The following NOTCH4 variants were observed in gnomAD, a reference collection of about 807,000 sequenced individuals.
NOTCH4 encodes the protein notch receptor 4.
A neutral mutation model predicts 189.0 loss-of-function variants in NOTCH4; 138 were observed. The observed-to-expected ratio is 0.73, with a 90% confidence interval of 0.64 to 0.84. The LOEUF (loss-of-function observed/expected upper bound fraction) is 0.84. NOTCH4 is among the 40% of genes least tolerant of loss of function. NOTCH4 has a pLI of 0.00. For missense variants in NOTCH4, 2,286 were observed against 2,605.4 expected, an observed-to-expected ratio of 0.88 and a Z score of 2.67; for synonymous variants, 942 against 1,032.8, an observed-to-expected ratio of 0.91 and a Z score of 1.69.
In NOTCH4 at chr6:32,202,433, C is replaced by T. The variant is rs1048598527; in HGVS notation, c.3398G>A (p.Gly1133Asp). The change falls in exon 21 of 30, where the codon GGC (glycine) becomes GAC (aspartate). Residue 1133 changes from glycine to aspartate, a missense_variant. Physicochemically the swap from Gly to Asp is moderately conservative, Grantham distance 94 (BLOSUM62 -1). Transcript: ENST00000375023. The surrounding 1 kb of genome is among the most constrained non-coding windows in gnomAD (Gnocchi z 5.7). ...PDCLTPPAPKGCGPPSPCLYN... is the reference protein window; with the variant it reads ...PDCLTPPAPKDCGPPSPCLYN... ...TAGGCATGGGGAGGGAGGGCCACAGCCTTTAGGAGCTGGTGGGGTCAGGCA... is the reference window on the plus strand; with the variant it reads ...TAGGCATGGGGAGGGAGGGCCACAGTCTTTAGGAGCTGGTGGGGTCAGGCA... The T allele has an allele frequency of 1.2e-6, 2 of 1,612,048 alleles. No homozygotes were observed. Among genetic ancestry groups the T allele is most frequent in the African/African-American group, 2.7e-5 (2 of 74,914 alleles).
chr6:32,206,036 C>CA (rs148768186), intron 18 of NOTCH4, among the ~76,000 whole-genome samples: 3,373 of 136,330 alleles, frequency 0.025, 52 homozygotes, highest in Middle Eastern at 0.088. Context: ...GACTCTGTCT[C>CA]AAAAAAAAAA....
intron 12 of NOTCH4, among the ~76,000 whole-genome samples, 154 bp downstream of exon 12, chr6:32,215,072 C>T (rs965255834): frequency 3.3e-5 from 5 of 152,206 alleles, no homozygotes; most frequent in African/African-American, 1.2e-4. Context: ...ACCAGTTGAG[C>T]CCTCCCACTG....
chr6:32,201,516 A>T lies in NOTCH4; in HGVS notation c.3756-16T>A, dbSNP rs1788352964. 6.8e-7 allele frequency: 1 copy of T among 1,460,126 alleles called. No individual in the cohort carries two copies. The highest frequency in any genetic ancestry group is 9.0e-7 in the Non-Finnish European group (1 of 1,105,828). 90.4% of individuals were successfully genotyped at this position (1,460,126 alleles called of 1,614,324 possible). On this transcript the variant is annotated splice_polypyrimidine_tract_variant and intron_variant, in intron 21 of 29. Coordinates refer to ENST00000375023, the MANE Select transcript of NOTCH4 (RefSeq NM_004557.4). The surrounding 1 kb of genome is among the most constrained non-coding windows in gnomAD (Gnocchi z 5.5). ...ATAGGCTGGACTGTGGGGTAAGGAG[A>T]GGGGGACTCAGGACCTCCCTAAAAC... is the stretch of plus-strand genomic sequence containing the variant.
At chr6:32,215,690 A>C (rs1180376365) in intron 11 of NOTCH4, among the ~76,000 whole-genome samples, 1 of 152,190 alleles carries the variant, frequency 6.6e-6, no homozygotes, top group African/African-American at 2.4e-5. Context: ...CTTTTCTTCC[A>C]TCTGTGTCTT....
rs1460859665 is a variant in NOTCH4 at position 32,200,990 on chromosome 6, C to T, written c.4156G>A (p.Gly1386Ser). 1 of 1,574,328 alleles carries T rather than the reference C, an allele frequency of 6.4e-7. No homozygotes were observed. ...SLSAGFVVVMGVDLSRCGPDH... is the reference protein window; with the variant it reads ...SLSAGFVVVMSVDLSRCGPDH... Reference sequence around the variant, plus strand: ...GGGCCACAGCGGGACAAATCCACACCCATGACCACCACAAACCTGTAGAGG... The same window carrying T: ...GGGCCACAGCGGGACAAATCCACACTCATGACCACCACAAACCTGTAGAGG... The change falls in exon 23 of 30, where the codon GGT (glycine) becomes AGT (serine). Residue 1386 changes from glycine to serine, a missense_variant. By Grantham distance (56) the Gly-to-Ser change is moderately conservative. Around this residue, in one of 2 missense-constraint regions of NOTCH4, gnomAD observed 1,903 missense variants for 2,261.9 expected, o/e 0.84. Coordinates refer to ENST00000375023, the MANE Select transcript of NOTCH4 (RefSeq NM_004557.4). This position sits in a 1 kb window ranked among gnomAD's most constrained non-coding sequence, Gnocchi z 5.0.
At position 32,196,940 on chromosome 6, in the gene NOTCH4, C is replaced by T. The variant is rs1787978140; in HGVS notation, c.5185G>A (p.Ala1729Thr). 1.2e-6 allele frequency: 2 copies of T among 1,612,812 alleles called. No individual in the cohort carries two copies. Among genetic ancestry groups the T allele is most frequent in the Non-Finnish European group, 8.5e-7 (1 of 1,180,016 alleles). ...CTCTACATACCCCATTTATCTCTGG[C>T]CCCCACGTCTGCTTGGGCTGCAATC... The part of the protein sequence containing the change: ...ELIAAQADVG[A>T]RDKWGKTALH... Residue 1729 changes from alanine to threonine, a missense_variant, in exon 28 of 30, where the codon GCC (alanine) becomes ACC (threonine). This residue lies in a region of NOTCH4 where 1,903 missense variants were observed against 2,261.9 expected (regional missense o/e 0.84). Coordinates refer to ENST00000375023, the MANE Select transcript of NOTCH4 (RefSeq NM_004557.4).
rs761986491 is a variant in NOTCH4 at position 32,202,557 on chromosome 6, C to T, written c.3274G>A (p.Gly1092Ser). ...PTCSHRAPSC[G>S]FHHCHHGGLC... ...CCTCCGTGGTGGCAGTGATGGAAGC[C>T]GCAGGAAGGGGCCCTGTGGCTGCAG... is the stretch of plus-strand genomic sequence containing the variant. The change falls in exon 21 of 30, where the codon GGC becomes AGC. Residue 1092 changes from glycine to serine, a missense_variant. Coordinates refer to ENST00000375023, the MANE Select transcript of NOTCH4 (RefSeq NM_004557.4). The surrounding 1 kb of genome is among the most constrained non-coding windows in gnomAD (Gnocchi z 5.7). 33 of 1,603,796 alleles carry T rather than the reference C, an allele frequency of 2.1e-5. No homozygotes were observed. The highest frequency in any genetic ancestry group is 2.0e-4 in the Admixed American group (12 of 59,812).
chr6:32,214,226 G>A lies in NOTCH4; in HGVS notation c.2051C>T (p.Thr684Met), dbSNP rs780829867. 9.1e-5 allele frequency: 147 copies of A among 1,613,206 alleles called. No individual in the cohort carries two copies. The highest frequency in any genetic ancestry group is 8.0e-5 in the African/African-American group (6 of 74,832). ...RSSCVCDVGW[T>M]GPECEAELGG... ...TAGCTCTGCCTCACACTCTGGCCCC[G>A]TCCAACCCACGTCACACACACATGA... is the stretch of plus-strand genomic sequence containing the variant. Residue 684 changes from threonine (T) to methionine (M), a missense_variant, in exon 13 of 30, where the codon ACG becomes ATG. Physicochemically the swap from Thr to Met is moderately conservative, Grantham distance 81. Coordinates refer to ENST00000375023, the MANE Select transcript of NOTCH4 (RefSeq NM_004557.4).
At chr6:32,205,022 GCT>G (rs1334663821) in intron 18 of NOTCH4, among the ~76,000 whole-genome samples, 3 of 152,184 alleles carry the variant, frequency 2.0e-5, no homozygotes, top group Non-Finnish European at 2.9e-5. Context: ...CCAAACCAAT[GCT>G]CTTAACCATT....
At position 32,221,021 on chromosome 6, in the gene NOTCH4, C is replaced by T. The variant is rs1789736694; in HGVS notation, c.756G>A (p.Met252Ile). Residue 252 changes from methionine (M) to isoleucine (I), a missense_variant, in exon 4 of 30, where the codon ATG becomes ATA. By Grantham distance (10) the Met-to-Ile change is conservative. Transcript: ENST00000375023. This position sits in a 1 kb window ranked among gnomAD's most constrained non-coding sequence, Gnocchi z 4.3. ...GGTGAAAGGTGGAGTCTTTCTCTGG[C>T]ATCAGCTGGCAGGTGCCCCCATTCG... Reference protein sequence around the residue: ...GCSNGGTCQLMPEKDSTFHLC... With the variant: ...GCSNGGTCQLIPEKDSTFHLC... The T allele has an allele frequency of 6.2e-7, 1 of 1,607,938 alleles. No individual in the cohort carries two copies. Among genetic ancestry groups the T allele is most frequent in the African/African-American group, 1.3e-5 (1 of 74,562 alleles).
chr6:32,200,931 AG>A lies in NOTCH4; in HGVS notation c.4214del (p.Pro1405LeufsTer53). ...DHPASRCPWD[P>X]GLLLRFLAAM... ...CAGCAAGGAAGCGGAGTAGAAGCCC[AG>A]GGTCCCAGGGACAGCGGGATGCCGG... On this transcript the variant is annotated frameshift_variant, in exon 23 of 30. Transcript: ENST00000375023. LOFTEE classifies it high-confidence loss of function. This position sits in a 1 kb window ranked among gnomAD's most constrained non-coding sequence, Gnocchi z 5.0. 1.2e-6 allele frequency: 2 copies of A among 1,607,594 alleles called. No homozygotes were observed. Among genetic ancestry groups the A allele is most frequent in the African/African-American group, 2.7e-5 (2 of 74,870 alleles).
rs1277655724 is a variant in NOTCH4 at position 32,204,381 on chromosome 6, T to A, written c.2874A>T (p.Pro958=). Residue 958 remains proline, a synonymous_variant, in exon 19 of 30, where the codon CCA becomes CCT. Transcript: ENST00000375023. ...TTGAGCAGTTCTGTCCATCGTAGCC[T>A]GGGGCACACTGCAGACAAAGAGGAT... ...QPSGYLCQCA[P]GYDGQNCSKE... is the part of the protein sequence containing the mutation. 1.2e-6 allele frequency: 2 copies of A among 1,612,684 alleles called. No individual in the cohort carries two copies. Among genetic ancestry groups the A allele is most frequent in the African/African-American group, 2.7e-5 (2 of 74,924 alleles).
At chr6:32,207,375 G>A (rs936098702) in intron 18 of NOTCH4, among the ~76,000 whole-genome samples, 1 of 151,344 alleles carries the variant, frequency 6.6e-6, no homozygotes, top group Non-Finnish European at 1.5e-5. Context: ...TGTAATCCCA[G>A]CACTTTGGGA....
At position 32,200,761 on chromosome 6, in the gene NOTCH4, C is replaced by T. The variant is rs531950188; in HGVS notation, c.4315+70G>A. ...CAGCTGTCCTGTTTGATTCAGCCTC[C>T]ATTGCCTGTTGCTAGCATGAGAGCT... On this transcript the variant is annotated intron_variant, in intron 23 of 29. Coordinates refer to ENST00000375023, the MANE Select transcript of NOTCH4 (RefSeq NM_004557.4). This position sits in a 1 kb window ranked among gnomAD's most constrained non-coding sequence, Gnocchi z 5.0. The T allele has an allele frequency of 3.1e-6, 4 of 1,308,046 alleles. No homozygotes were observed. Among genetic ancestry groups the T allele is most frequent in the East Asian group, 2.5e-5 (1 of 39,422 alleles). 81.0% of individuals were successfully genotyped at this position (1,308,046 alleles called of 1,614,324 possible).
rs1158919482 is a variant in NOTCH4 at position 32,220,568 on chromosome 6, G to T, written c.996C>A (p.Cys332Ter). Residue 332 changes from cysteine (C) to a stop codon, truncating the protein, a stop_gained, in exon 6 of 30, where the codon TGC becomes TGA. Transcript: ENST00000375023. LOFTEE classifies it high-confidence loss of function. ...AGTGAAAGCTACCAGCAGAGTTCTG[G>T]CAGGTGCCCCCGTTTCTGCAGTGAG... Reference protein sequence around the residue: ...GPPHCRNGGTCQNSAGSFHCV... With the variant: ...GPPHCRNGGT The T allele has an allele frequency of 6.2e-7, 1 of 1,613,960 alleles. No homozygotes were observed. The highest frequency in any genetic ancestry group is 8.5e-7 in the Non-Finnish European group (1 of 1,180,026).
chr6:32,201,218 C>T lies in NOTCH4; in HGVS notation c.4038G>A (p.Arg1346=). The T allele has an allele frequency of 6.2e-7, 1 of 1,612,994 alleles. No homozygotes were observed. The highest frequency in any genetic ancestry group is 2.2e-5 in the East Asian group (1 of 44,870). ...GAGTTCCTCCTAGCTTTTCTTCAGC[C>T]CGGGCCCCAGGATAGGGGTACACCA... The part of the protein sequence containing the change: ...RDMVYPYPGA[R]AEEKLGGTRD... Residue 1346 remains arginine (R), a synonymous_variant, in exon 22 of 30, where the codon CGG becomes CGA. Coordinates refer to ENST00000375023, the MANE Select transcript of NOTCH4 (RefSeq NM_004557.4). The surrounding 1 kb of genome is among the most constrained non-coding windows in gnomAD (Gnocchi z 5.5).
chr6:32,201,367 G>A lies in NOTCH4; in HGVS notation c.3889C>T (p.Leu1297=). The change falls in exon 22 of 30, where the codon CTG becomes TTG. Residue 1297 remains leucine, a synonymous_variant. Transcript: ENST00000375023. The surrounding 1 kb of genome is among the most constrained non-coding windows in gnomAD (Gnocchi z 5.5). The stretch of plus-strand genomic sequence containing the variant: ...GGGCTCAGTACCACCAGCAGGGCCA[G>A]GGAGGGCCCCCACTCTGGGTCCCCA... The part of the protein sequence containing the change: ...EDGDPEWGPS[L]ALLVVLSPPA... The A allele has an allele frequency of 6.3e-7, 1 of 1,599,392 alleles. No homozygotes were observed. The highest frequency in any genetic ancestry group is 8.5e-7 in the Non-Finnish European group (1 of 1,172,428).
In NOTCH4 at chr6:32,210,637, T is replaced by A. The variant is rs1238560909; in HGVS notation, c.2865+115A>T. The A allele has an allele frequency of 3.9e-6, 4 of 1,026,188 alleles. No homozygotes were observed. The highest frequency in any genetic ancestry group is 5.9e-6 in the Non-Finnish European group (4 of 681,108). The allele number at this position is 1,026,188 out of a possible 1,614,324, so 63.6% of individuals were successfully genotyped here. A position where few individuals can be genotyped will look rare whatever the true frequency, so the allele number is the denominator to read the frequency against. On this transcript the variant is annotated intron_variant, in intron 18 of 29. Coordinates refer to ENST00000375023, the MANE Select transcript of NOTCH4 (RefSeq NM_004557.4). This position sits in a 1 kb window ranked among gnomAD's most constrained non-coding sequence, Gnocchi z 4.8. ...TTGTGGTTAGTTGGGTGTGTGGGGT[T>A]AAAAAAAATAAAAGGAGGTGAAATG...
At position 32,201,651 on chromosome 6, in the gene NOTCH4, T is replaced by TACCATCCA; in HGVS notation, c.3756-152_3756-151insTGGATGGT. On this transcript the variant is annotated intron_variant, in intron 21 of 29. Coordinates refer to ENST00000375023, the MANE Select transcript of NOTCH4 (RefSeq NM_004557.4). This position sits in a 1 kb window ranked among gnomAD's most constrained non-coding sequence, Gnocchi z 5.5. Reference sequence around the variant, plus strand: ...GCAATGAGCTTAGTCAAGTCCTGGATGGTAGTCCAGACACCCCAATGTCTG... The same window carrying TACCATCCA: ...GCAATGAGCTTAGTCAAGTCCTGGATACCATCCAGGTAGTCCAGACACCCCAATGTCTG... 2 of 652,366 alleles carry TACCATCCA rather than the reference T, an allele frequency of 3.1e-6. No individual in the cohort carries two copies. The highest frequency in any genetic ancestry group is 1.9e-5 in the African/African-American group (1 of 54,008). The allele number at this position is 652,366 out of a possible 1,614,324, so 40.4% of individuals were successfully genotyped here. A position where few individuals can be genotyped will look rare whatever the true frequency, so the allele number is the denominator to read the frequency against.
Sources: gnomAD v4.1 joint callset for allele counts (sites outside exome capture counted in the v4.1 genomes callset) on GRCh38, gnomAD v4.1.1 for gene constraint, gnomAD v4.1.1 regional missense constraint, Gnocchi (gnomAD v3.1) non-coding constraint, MANE v1.5 for transcripts, NCBI Gene and HGNC (gene_info 2026-07-23, HGNC 2026-07-21) for gene names.